CDKL5: variants seen among roughly 807,000 people sequenced by gnomAD.
The protein encoded by CDKL5 is cyclin dependent kinase like 5, also known as cyclin-dependent kinase-like 5.
CDKL5 carries 8 observed loss-of-function variants against 61.7 expected under a neutral mutation model. That is an observed-to-expected ratio of 0.13 (90% CI 0.08 to 0.23). The LOEUF (loss-of-function observed/expected upper bound fraction) is 0.23, where lower values mean the gene tolerates loss of function less well. Among genes scored for constraint, CDKL5 ranks in the 10% least tolerant of loss-of-function variants. CDKL5 has a pLI of 1.00. For synonymous variants in CDKL5, 275 were observed against 272.3 expected (o/e 1.01, Z -0.10); for missense variants, 440 against 734.5 (o/e 0.60, Z 4.63).
At chrX:18,482,417 C>T (rs1036176832) in intron 1 of CDKL5, among the ~76,000 whole-genome samples, 8 of 111,678 alleles carry the variant, frequency 7.2e-5, no homozygotes, top group African/African-American at 2.6e-4. Context: ...GACACTAACT[C>T]ACCTCTTCTC....
At chrX:18,590,826 T>C (rs746933478) in intron 9 of CDKL5, among the ~76,000 whole-genome samples, 1 of 111,687 alleles carries the variant, frequency 9.0e-6, no homozygotes, top group Non-Finnish European at 1.9e-5. Context: ...TCTATTATAC[T>C]CAGAAATAAA....
chrX:18,519,639 C>T (rs751488281), intron 3 of CDKL5, among the ~76,000 whole-genome samples: 6 of 111,489 alleles, frequency 5.4e-5, no homozygotes, highest in Non-Finnish European at 9.4e-5. Context: ...CATACAGAGA[C>T]GCATATAGTC....
At chrX:18,520,342 G>A (rs1360136151) in intron 3 of CDKL5, among the ~76,000 whole-genome samples, 1 of 112,193 alleles carries the variant, frequency 8.9e-6, no homozygotes, top group Non-Finnish European at 1.9e-5. Context: ...CATACAACAT[G>A]TGACCGTTTG....
chrX:18,560,867 T>C (rs1924781612), intron 3 of CDKL5, among the ~76,000 whole-genome samples: 1 of 111,498 alleles, frequency 9.0e-6, no homozygotes, highest in African/African-American at 3.3e-5. Context: ...CCTAACAGTA[T>C]TTAGGCAGAA....
intron 12 of CDKL5, among the ~76,000 whole-genome samples, chrX:18,606,307 G>A (rs1926366239): frequency 8.9e-6 from 1 of 112,441 alleles, no homozygotes; most frequent in East Asian, 2.8e-4. Context: ...GAAGCAGTTA[G>A]AAATGGCTTT....
At chrX:18,575,579 A>G (rs1925273524) in intron 5 of CDKL5, 89 bp downstream of exon 5, 5 of 838,815 alleles carry the variant, frequency 6.0e-6, no homozygotes, top group African/African-American at 2.0e-5. Context: ...CTGTTATCTA[A>G]TATGGCTTAT....
rs1360347280 is a variant in CDKL5 at position 18,638,987 on chromosome X, A to G, written c.*10230A>G. Among the ~76,000 whole-genome samples the G allele has an allele frequency of 8.9e-6, 1 of 112,161 alleles. No individual in the cohort carries two copies. The highest frequency in any genetic ancestry group is 1.9e-5 in the Non-Finnish European group (1 of 53,289). On this transcript the variant is annotated 3_prime_UTR_variant, in exon 18 of 18. Coordinates refer to ENST00000623535, the MANE Select transcript of CDKL5 (RefSeq NM_001323289.2). Reference sequence around the variant, plus strand: ...AGTGGTGGGACAACTGGATATCCACATGCAAAAGAATGACGTTGGACTCCT... The same window carrying G: ...AGTGGTGGGACAACTGGATATCCACGTGCAAAAGAATGACGTTGGACTCCT...
At chrX:18,429,700 A>C (rs1028755706) in intron 1 of CDKL5, among the ~76,000 whole-genome samples, 3 of 111,989 alleles carry the variant, frequency 2.7e-5, no homozygotes, top group African/African-American at 9.7e-5. Context: ...CAGTGGTGTG[A>C]TCACAGCTTG....
chrX:18,564,434 A>G, intron 3 of CDKL5, 43 bp from the exon 4 acceptor site: 1 of 1,025,483 alleles, frequency 9.8e-7, no homozygotes. Flanking sequence ...CAGTCGGAAA[A>G]ACACTGGAGA....
intron 17 of CDKL5, among the ~76,000 whole-genome samples, chrX:18,628,023 T>G (rs1927119428): frequency 9.0e-6 from 1 of 111,458 alleles, no homozygotes; most frequent in Non-Finnish European, 1.9e-5. Context: ...TTGGGAAGTC[T>G]TCTCAAAACA....
intron 1 of CDKL5, among the ~76,000 whole-genome samples, chrX:18,449,439 T>A (rs773428816): frequency 8.9e-6 from 1 of 111,977 alleles, no homozygotes; most frequent in East Asian, 2.8e-4. Context: ...TTAAAGTGAA[T>A]CATTGTGTAC....
At chrX:18,491,884 A>T (rs1922007914) in intron 1 of CDKL5, among the ~76,000 whole-genome samples, 1 of 111,295 alleles carries the variant, frequency 9.0e-6, no homozygotes, top group Non-Finnish European at 1.9e-5. Flanking sequence ...GGTGTACTGT[A>T]ATTCATTTAA....
intron 8 of CDKL5, among the ~76,000 whole-genome samples, chrX:18,585,802 G>A (rs925527489): frequency 3.6e-5 from 4 of 111,809 alleles, no homozygotes; most frequent in African/African-American, 9.8e-5. Context: ...ATGATGACAA[G>A]TGCGCAAATT....
intron 3 of CDKL5, among the ~76,000 whole-genome samples, chrX:18,563,787 A>C (rs1924877157): frequency 8.9e-6 from 1 of 111,893 alleles, no homozygotes; most frequent in African/African-American, 3.2e-5. Flanking sequence ...GAATTGAATA[A>C]AAATTGTTTA....
At chrX:18,464,262 A>T (rs1462668750) in intron 1 of CDKL5, among the ~76,000 whole-genome samples, 1 of 109,972 alleles carries the variant, frequency 9.1e-6, no homozygotes, top group African/African-American at 3.3e-5. Context: ...TTTTATTTAA[A>T]ATAGAGATGA....
At position 18,634,648 on chromosome X, in the gene CDKL5, C is replaced by T; in HGVS notation, c.*5891C>T. ...CAGTCTGTTTCCCTCCCCTTGTTTA[C>T]TCTTTGGTCACCGATCGAGTCAGGC... On this transcript the variant is annotated 3_prime_UTR_variant, in exon 18 of 18. Coordinates refer to ENST00000623535, the MANE Select transcript of CDKL5 (RefSeq NM_001323289.2). The T allele has an allele frequency of 1.3e-6, 1 of 753,929 alleles. No individual in the cohort carries two copies. Among genetic ancestry groups the T allele is most frequent in the Non-Finnish European group, 1.6e-6 (1 of 639,234 alleles). 62.1% of individuals were successfully genotyped at this position (753,929 alleles called of 1,213,427 possible). A position where few individuals can be genotyped will look rare whatever the true frequency, so the allele number is the denominator to read the frequency against.
At chrX:18,529,184 C>CT (rs771617035) in intron 3 of CDKL5, among the ~76,000 whole-genome samples, 1,761 of 90,097 alleles carry the variant, frequency 0.02, 29 homozygotes, top group African/African-American at 0.04. Context: ...CTTGTTTTTA[C>CT]TTTTTTTTTT....
intron 11 of CDKL5, among the ~76,000 whole-genome samples, chrX:18,601,029 A>G (rs1569218535): frequency 1.8e-5 from 2 of 111,708 alleles, no homozygotes; most frequent in South Asian, 7.5e-4. Context: ...AACACAAACG[A>G]TGGCTCCCTA....
At chrX:18,504,504 C>T (rs1042452172) in intron 1 of CDKL5, among the ~76,000 whole-genome samples, 1 of 112,187 alleles carries the variant, frequency 8.9e-6, no homozygotes, top group Non-Finnish European at 1.9e-5. Flanking sequence ...AGGATATGCA[C>T]ATTTTAAAAT....
Sources: allele counts gnomAD v4.1 joint callset (sites outside exome capture counted in the v4.1 genomes callset), GRCh38; gene constraint gnomAD v4.1.1; transcripts MANE v1.5; gene names NCBI Gene and HGNC (gene_info 2026-07-23, HGNC 2026-07-21).